The following SOX30 variants were observed in gnomAD, a reference collection of about 807,000 sequenced individuals.
SOX30 encodes the protein SRY-box transcription factor 30.
Under a neutral mutation model 58.6 loss-of-function variants are expected in SOX30, and 17 were observed. The observed-to-expected ratio is 0.29, with a 90% CI of 0.20 to 0.44. The LOEUF (loss-of-function observed/expected upper bound fraction) is 0.44. Ranked by LOEUF, SOX30 falls within the 20% of genes least tolerant of loss-of-function variation. The probability of loss-of-function intolerance (pLI) is 1.00; values close to 1 mark genes in which losing one functional copy is unlikely to be tolerated. For synonymous variants in SOX30, 421 were observed against 400.2 expected (o/e 1.05, Z -0.62); for missense variants, 951 against 965.8 (o/e 0.98, Z 0.20).
chr5:157,670,263 G>C (rs1021670919), intron 1 of SOX30, among the ~76,000 whole-genome samples: 1 of 152,172 alleles, frequency 6.6e-6, no homozygotes, highest in Non-Finnish European at 1.5e-5. Context: ...CACTGTATTA[G>C]GTGTTGGAGA....
chr5:157,634,477 A>G (rs540418043), intron 4 of SOX30, among the ~76,000 whole-genome samples: 3 of 105,354 alleles, frequency 2.8e-5, no homozygotes, highest in East Asian at 4.3e-4. Flanking sequence ...TTGGCCTCCC[A>G]AAGTGTGTTG....
intron 4 of SOX30, among the ~76,000 whole-genome samples, chr5:157,637,133 C>CA (rs1203322529): frequency 0.16 from 9,941 of 62,104 alleles, 790 homozygotes; most frequent in African/African-American, 0.28. Context: ...AACTCCGCCT[C>CA]AAAAAAAAAA....
At chr5:157,641,083 A>G (rs908160944) in intron 3 of SOX30, among the ~76,000 whole-genome samples, 2 of 152,214 alleles carry the variant, frequency 1.3e-5, no homozygotes, top group Admixed American at 1.3e-4. Flanking sequence ...CCAGTAACAT[A>G]AGCACTTTCA....
chr5:157,627,732 C>T (rs1357603243), intron 4 of SOX30, among the ~76,000 whole-genome samples: 2 of 152,140 alleles, frequency 1.3e-5, no homozygotes, highest in Non-Finnish European at 2.9e-5. Flanking sequence ...CGGTGGCTCA[C>T]GCCTGTAATC....
chr5:157,644,702 C>CTGGG (rs1440307751), intron 3 of SOX30, among the ~76,000 whole-genome samples: 1 of 152,178 alleles, frequency 6.6e-6, no homozygotes, highest in Non-Finnish European at 1.5e-5. Context: ...ATAACACAGG[C>CTGGG]TGGGCATGGT....
chr5:157,640,043 CT>C (rs1438307422), intron 3 of SOX30, among the ~76,000 whole-genome samples: 17 of 152,216 alleles, frequency 1.1e-4, no homozygotes, highest in African/African-American at 4.1e-4. Flanking sequence ...GCCCCACTAT[CT>C]GTGAGGCACA....
At chr5:157,655,900 G>A (rs1759461770), upstream of SOX30, among the ~76,000 whole-genome samples, 1 of 152,196 alleles carries the variant, frequency 6.6e-6, no homozygotes, top group African/African-American at 2.4e-5. Flanking sequence ...TCATAAAGAG[G>A]GGTACCTTAG....
chr5:157,640,189 C>T (rs1453997867), intron 3 of SOX30, among the ~76,000 whole-genome samples: 2 of 152,180 alleles, frequency 1.3e-5, no homozygotes, highest in Non-Finnish European at 2.9e-5. Flanking sequence ...GTCTGCCACC[C>T]CAACCATGAT....
chr5:157,627,519 C>T (rs1206132680), intron 4 of SOX30, among the ~76,000 whole-genome samples: 1 of 152,056 alleles, frequency 6.6e-6, no homozygotes, highest in Non-Finnish European at 1.5e-5. Context: ...TATTGAGGCA[C>T]TGGAACAGAA....
intron 2 of SOX30, chr5:157,667,701 T>A: frequency 6.8e-7 from 1 of 1,474,436 alleles, no homozygotes; most frequent in Non-Finnish European, 9.0e-7. Flanking sequence ...ATCATGCCAC[T>A]GCCCTCCAGC....
chr5:157,651,719 G>C lies in SOX30; in HGVS notation c.360C>G (p.Thr120=). The change falls in exon 1 of 5, where the codon ACC becomes ACG. Residue 120 remains threonine (T), a synonymous_variant. Transcript: ENST00000265007. The stretch of plus-strand genomic sequence containing the variant: ...GCACCGGGTGCAACTCGGGCCTGGA[G>C]GTGGCGCCGTCTGACGCTGTCGGCG... ...LQPPTASDGA[T]SRPELHPVQP... is the part of the protein sequence containing the mutation. 6.3e-7 allele frequency: 1 copy of C among 1,576,718 alleles called. No homozygotes were observed. The highest frequency in any genetic ancestry group is 8.6e-7 in the Non-Finnish European group (1 of 1,163,442).
intron 4 of SOX30, among the ~76,000 whole-genome samples, chr5:157,630,910 T>C (rs1758776358): frequency 7.4e-6 from 1 of 134,914 alleles, no homozygotes; most frequent in Non-Finnish European, 1.6e-5. Flanking sequence ...ATAAAAAATA[T>C]ATAATATCTA....
At chr5:157,654,520 T>C (rs1759430339), upstream of SOX30, among the ~76,000 whole-genome samples, 1 of 152,160 alleles carries the variant, frequency 6.6e-6, no homozygotes. Flanking sequence ...CAAAAGCTGA[T>C]AAAAGAGGCA....
chr5:157,659,985 A>T (rs1759548401), intron 2 of SOX30, among the ~76,000 whole-genome samples: 1 of 152,224 alleles, frequency 6.6e-6, no homozygotes, highest in South Asian at 2.1e-4. Flanking sequence ...AGACCTAAAA[A>T]GTCTATTCTG....
intron 2 of SOX30, among the ~76,000 whole-genome samples, chr5:157,657,901 A>G (rs1759506591): frequency 3.3e-5 from 5 of 152,246 alleles, no homozygotes; most frequent in Admixed American, 3.3e-4. Context: ...CTGGAATGGC[A>G]CGTTTTCCTT....
chr5:157,652,470 C>T (rs1759385179), upstream of SOX30: 4 of 771,222 alleles, frequency 5.2e-6, no homozygotes, highest in Non-Finnish European at 6.3e-6. Flanking sequence ...CGCTTCCAGG[C>T]CGCTGACATC....
chr5:157,632,422 C>T (rs1758835496), intron 4 of SOX30, among the ~76,000 whole-genome samples: 1 of 152,146 alleles, frequency 6.6e-6, no homozygotes, highest in African/African-American at 2.4e-5. Flanking sequence ...ATTGGATTTC[C>T]AGTAGAGACG....
At chr5:157,671,414 G>C in exon 1 of SOX30, 1 of 575,168 alleles carries the variant, frequency 1.7e-6, no homozygotes, top group Non-Finnish European at 3.1e-6. Flanking sequence ...CAATATTACC[G>C]CGTCCGTGGC....
chr5:157,651,965 C>G lies in SOX30; in HGVS notation c.114G>C (p.Pro38=), dbSNP rs1759363130. The change falls in exon 1 of 5, where the codon CCG becomes CCC. Residue 38 remains proline, a synonymous_variant. Coordinates refer to ENST00000265007, the MANE Select transcript of SOX30 (RefSeq NM_178424.2). Reference sequence around the variant, plus strand: ...CTGCCGCGCTCAGTGTGGGAGACGACGGAGGGGGCTCCATGGCTGCTGCCC... The same window carrying G: ...CTGCCGCGCTCAGTGTGGGAGACGAGGGAGGGGGCTCCATGGCTGCTGCCC... ...SFWAAAMEPP[P]SSPTLSAAAS... is the part of the protein sequence containing the mutation. The G allele has an allele frequency of 1.4e-6, 2 of 1,462,628 alleles. No homozygotes were observed. The highest frequency in any genetic ancestry group is 2.5e-5 in the Admixed American group (1 of 40,286). 90.6% of individuals were successfully genotyped at this position (1,462,628 alleles called of 1,614,324 possible).
Sources: gnomAD v4.1 joint callset for allele counts (sites outside exome capture counted in the v4.1 genomes callset) on GRCh38, gnomAD v4.1.1 for gene constraint, MANE v1.5 for transcripts, NCBI Gene and HGNC (gene_info 2026-07-23, HGNC 2026-07-21) for gene names.